Variants in PFAS observed in about 807,000 individuals in gnomAD.
PFAS encodes the protein phosphoribosylformylglycinamidine synthase, also known as FGAM synthase.
In PFAS, 97 loss-of-function variants were observed where a neutral mutation model predicts 140.6. The ratio of observed to expected loss-of-function variants is 0.69; its 90% CI spans 0.59 to 0.82. PFAS has a LOEUF of 0.82. PFAS is among the 40% of genes least tolerant of loss of function. The pLI, the probability that PFAS is intolerant of heterozygous loss-of-function variation, is 0.00. For missense variants in PFAS, 1,656 were observed against 1,780.2 expected (o/e 0.93, Z 1.26); for synonymous variants, 679 against 718.8 (o/e 0.94, Z 0.88).
At chr17:8,250,145 G>C (rs149742213) in intron 1 of PFAS, among the ~76,000 whole-genome samples, 25 of 152,314 alleles carry the variant, frequency 1.6e-4, no homozygotes, top group African/African-American at 5.8e-4. Flanking sequence ...AAATAAAAAA[G>C]AAGCTAATGT....
intron 1 of PFAS, among the ~76,000 whole-genome samples, chr17:8,252,586 A>C (rs2151574337): frequency 6.6e-6 from 1 of 150,744 alleles, no homozygotes; most frequent in African/African-American, 2.4e-5. Context: ...TATTTTTTTT[A>C]GTAGAGATGA....
At chr17:8,251,505 T>C (rs985317423) in intron 1 of PFAS, among the ~76,000 whole-genome samples, 1 of 151,776 alleles carries the variant, frequency 6.6e-6, no homozygotes, top group Non-Finnish European at 1.5e-5. Context: ...AGGGCTGGTC[T>C]CAAACTCCTG....
rs1239786838 is a variant in PFAS, at chr17:8,249,355, G to A, written c.-80+16G>A. 1 of 152,210 alleles carries A rather than the reference G, an allele frequency of 6.6e-6. No homozygotes were observed. The highest frequency in any genetic ancestry group is 1.5e-5 in the Non-Finnish European group (1 of 68,036). The allele number at this position is 152,210 out of a possible 1,614,324, so 9.4% of individuals were successfully genotyped here. A position where few individuals can be genotyped will look rare whatever the true frequency, so the allele number is the denominator to read the frequency against. ...CATCTTCCACGTGAGTATAGTTACC[G>A]CGTGCGGACCTGGATCCTCCTCCAG... On this transcript the variant is annotated intron_variant, in intron 1 of 27. Transcript: ENST00000314666.
At chr17:8,262,267 G>T (rs969942067) in intron 11 of PFAS, among the ~76,000 whole-genome samples, 1 of 151,952 alleles carries the variant, frequency 6.6e-6, no homozygotes, top group Non-Finnish European at 1.5e-5. Flanking sequence ...ACTTAATGAG[G>T]TCTCTGTTGT....
upstream of PFAS, chr17:8,247,857 G>A (rs1988892910): frequency 5.4e-6 from 4 of 735,028 alleles, no homozygotes; most frequent in Non-Finnish European, 9.5e-6. Context: ...CCAGTAAGAG[G>A]TAGGAGCGGA....
At chr17:8,257,757 T>C in intron 9 of PFAS, 50 bp from the exon 10 acceptor site, 2 of 1,605,910 alleles carry the variant, frequency 1.2e-6, no homozygotes, top group Non-Finnish European at 1.7e-6. Flanking sequence ...TGCTCCGGCC[T>C]GTCTTCACAG....
upstream of PFAS, among the ~76,000 whole-genome samples, chr17:8,249,081 T>A (rs1289685141): frequency 6.6e-6 from 1 of 152,216 alleles, no homozygotes; most frequent in Non-Finnish European, 1.5e-5. Flanking sequence ...ATGTCATTAC[T>A]TAACTGTCCC....
At chr17:8,265,177 C>T in intron 18 of PFAS, 52 bp downstream of exon 18, 1 of 1,566,288 alleles carries the variant, frequency 6.4e-7, no homozygotes, top group Non-Finnish European at 8.7e-7. Context: ...CAGGACCCTT[C>T]CACATCCATC....
chr17:8,267,617 G>A lies in PFAS; in HGVS notation c.3334G>A (p.Ala1112Thr). The A allele has an allele frequency of 6.2e-7, 1 of 1,613,050 alleles. No individual in the cohort carries two copies. The highest frequency in any genetic ancestry group is 1.7e-5 in the Admixed American group (1 of 59,988). ...TGGGCTGGACACTTTCCGTGGCGTG[G>A]CCTTCGTGGGCGGCTTCAGCTATGC... The part of the protein sequence containing the change: ...AIGLDTFRGV[A>T]FVGGFSYADV... The change falls in exon 26 of 28, where the codon GCC (alanine) becomes ACC (threonine). Residue 1112 changes from alanine (A) to threonine (T), a missense_variant. Transcript: ENST00000314666. This position sits in a 1 kb window ranked among gnomAD's most constrained non-coding sequence, Gnocchi z 4.9.
chr17:8,249,578 G>A (rs1328295871), intron 1 of PFAS: 1 of 152,262 alleles, frequency 6.6e-6, no homozygotes, highest in Non-Finnish European at 1.5e-5. Flanking sequence ...CATGGATTCA[G>A]CTAACAGAAA....
In PFAS at chr17:8,267,348, C is replaced by T. The variant is rs1989859879; in HGVS notation, c.3176-24C>T. Reference sequence around the variant, plus strand: ...GGGGTGGGGAAGTGACTTTCTGGCCCAAAGACACTTATTCTCCCCCAAGGT... The same window carrying T: ...GGGGTGGGGAAGTGACTTTCTGGCCTAAAGACACTTATTCTCCCCCAAGGT... On this transcript the variant is annotated intron_variant, in intron 24 of 27. Transcript: ENST00000314666. This position sits in a 1 kb window ranked among gnomAD's most constrained non-coding sequence, Gnocchi z 4.9. 6.2e-7 allele frequency: 1 copy of T among 1,609,098 alleles called. No homozygotes were observed. Among genetic ancestry groups the T allele is most frequent in the Non-Finnish European group, 8.5e-7 (1 of 1,175,776 alleles).
intron 11 of PFAS, among the ~76,000 whole-genome samples, chr17:8,258,839 T>C (rs535382577): frequency 4.1e-4 from 63 of 151,924 alleles, no homozygotes; most frequent in African/African-American, 1.5e-3. Context: ...ATAAAAAAAT[T>C]AGCCAGGTGT....
rs770123424 is a variant in PFAS at position 8,269,277 on chromosome 17, G to A, written c.*13G>A. The A allele has an allele frequency of 3.8e-5, 60 of 1,581,582 alleles. No individual in the cohort carries two copies. The highest frequency in any genetic ancestry group is 5.0e-5 in the Non-Finnish European group (58 of 1,160,174). On this transcript the variant is annotated 3_prime_UTR_variant, in exon 28 of 28. Coordinates refer to ENST00000314666, the MANE Select transcript of PFAS (RefSeq NM_012393.3). ...AGGGAGCTGCTGACTGGCCACAGGGGCTCACCTGGGCCCCATGGCTTTTCA... is the reference window on the plus strand; with the variant it reads ...AGGGAGCTGCTGACTGGCCACAGGGACTCACCTGGGCCCCATGGCTTTTCA...
In PFAS at chr17:8,266,862, G is replaced by A; in HGVS notation, c.2931G>A (p.Glu977=). Residue 977 remains glutamate (E), a synonymous_variant, in exon 23 of 28, where the codon GAG becomes GAA. Coordinates refer to ENST00000314666, the MANE Select transcript of PFAS (RefSeq NM_012393.3). This position sits in a 1 kb window ranked among gnomAD's most constrained non-coding sequence, Gnocchi z 5.0. ...GGGATGCTGGCCTCCATTGCCTGGA[G>A]CTGGGCCACACAGGCGAGGCCGGGC... The part of the protein sequence containing the change: ...RYRDAGLHCL[E]LGHTGEAGPH... The A allele has an allele frequency of 6.2e-7, 1 of 1,608,824 alleles. No homozygotes were observed. Among genetic ancestry groups the A allele is most frequent in the Admixed American group, 1.7e-5 (1 of 59,984 alleles).
upstream of PFAS, among the ~76,000 whole-genome samples, chr17:8,248,685 G>C (rs1001178402): frequency 3.3e-5 from 5 of 152,060 alleles, no homozygotes; most frequent in East Asian, 7.7e-4. Flanking sequence ...AGCCCACCAA[G>C]TAGCTGGGAT....
intron 11 of PFAS, among the ~76,000 whole-genome samples, chr17:8,260,648 G>A (rs938492966): frequency 1.3e-5 from 2 of 152,066 alleles, no homozygotes; most frequent in African/African-American, 2.4e-5. Context: ...TTTTTGAGAC[G>A]GAGTCTCGCT....
chr17:8,260,729 A>T (rs1374841403), intron 11 of PFAS, among the ~76,000 whole-genome samples: 3 of 151,926 alleles, frequency 2.0e-5, no homozygotes, highest in Admixed American at 6.6e-5. Flanking sequence ...GGTTCACGCC[A>T]CTCTCCTGCC....
intron 26 of PFAS, among the ~76,000 whole-genome samples, chr17:8,268,241 C>T (rs1295781250): frequency 2.8e-5 from 4 of 144,854 alleles, no homozygotes; most frequent in East Asian, 4.3e-4. Context: ...GGCGTGCTGG[C>T]GGGCGCCTGT....
At chr17:8,254,130 A>G (rs1469092532) in intron 2 of PFAS, 36 bp from the exon 3 acceptor site, 2 of 1,613,928 alleles carry the variant, frequency 1.2e-6, no homozygotes, top group South Asian at 2.2e-5. Flanking sequence ...TGCTGGGGGC[A>G]GTGTCTCAAG....
Sources: allele counts gnomAD v4.1 joint callset (sites outside exome capture counted in the v4.1 genomes callset), GRCh38; gene constraint gnomAD v4.1.1; non-coding constraint Gnocchi (gnomAD v3.1); transcripts MANE v1.5; gene names NCBI Gene and HGNC (gene_info 2026-07-23, HGNC 2026-07-21).